ZRANB3: variants seen among roughly 807,000 people sequenced by gnomAD.
ZRANB3 encodes the protein zinc finger RANBP2-type containing 3.
A neutral mutation model predicts 133.8 loss-of-function variants in ZRANB3; 125 were observed. The ratio of observed to expected loss-of-function variants is 0.93; its 90% CI spans 0.81 to 1.08. ZRANB3 has a LOEUF of 1.08. Among genes scored for constraint, ZRANB3 ranks in the 50% least tolerant of loss-of-function variants. The pLI, the probability that ZRANB3 is intolerant of heterozygous loss-of-function variation, is 0.00. For missense variants in ZRANB3, 1,229 were observed against 1,275.5 expected, an observed-to-expected ratio of 0.96 and a Z score of 0.56; for synonymous variants, 387 against 432.7, an observed-to-expected ratio of 0.89 and a Z score of 1.31.
At chr2:135,408,320 A>C (rs1185395295) in intron 2 of ZRANB3, among the ~76,000 whole-genome samples, 1 of 152,108 alleles carries the variant, frequency 6.6e-6, no homozygotes, top group East Asian at 1.9e-4. Flanking sequence ...AAAAGTCAGG[A>C]AACAACAGGT....
At chr2:135,339,585 A>G (rs991465746) in intron 6 of ZRANB3, among the ~76,000 whole-genome samples, 3 of 152,206 alleles carry the variant, frequency 2.0e-5, no homozygotes, top group Non-Finnish European at 4.4e-5. Context: ...CTGTCTCAAA[A>G]AAAACCCAAA....
chr2:135,318,668 C>T (rs1240900266), intron 6 of ZRANB3, among the ~76,000 whole-genome samples: 1 of 151,966 alleles, frequency 6.6e-6, no homozygotes, highest in African/African-American at 2.4e-5. Context: ...TTAAAGAGAC[C>T]GAAAAGTTTA....
intron 8 of ZRANB3, among the ~76,000 whole-genome samples, chr2:135,288,549 T>C (rs532164328): frequency 6.6e-6 from 1 of 152,084 alleles, no homozygotes; most frequent in African/African-American, 2.4e-5. Context: ...CTTTCTTTTG[T>C]TGGCAATTTT....
At chr2:135,405,249 A>C (rs1028778048) in intron 2 of ZRANB3, among the ~76,000 whole-genome samples, 4 of 152,188 alleles carry the variant, frequency 2.6e-5, no homozygotes, top group Non-Finnish European at 4.4e-5. Flanking sequence ...GTAAAGGGAT[A>C]AGTTCAACAA....
intron 19 of ZRANB3, among the ~76,000 whole-genome samples, chr2:135,204,903 G>C (rs1042075895): frequency 6.6e-6 from 1 of 151,388 alleles, no homozygotes; most frequent in Non-Finnish European, 1.5e-5. Context: ...TGCATTCCTG[G>C]ACAGGTTGCT....
intron 2 of ZRANB3, among the ~76,000 whole-genome samples, chr2:135,449,292 C>T (rs2105002932): frequency 6.6e-6 from 1 of 152,296 alleles, no homozygotes; most frequent in South Asian, 2.1e-4. Flanking sequence ...AACCCCTGAA[C>T]CATTACAGAT....
chr2:135,219,585 A>G (rs955321134), intron 15 of ZRANB3, among the ~76,000 whole-genome samples: 4 of 152,262 alleles, frequency 2.6e-5, no homozygotes, highest in Non-Finnish European at 4.4e-5. Flanking sequence ...AAATTTGCAA[A>G]TAAACTTCTT....
At chr2:135,225,909 T>G (rs1694744401) in intron 14 of ZRANB3, among the ~76,000 whole-genome samples, 1 of 152,192 alleles carries the variant, frequency 6.6e-6, no homozygotes, top group African/African-American at 2.4e-5. Context: ...TTACATTGGT[T>G]ACTGAGATGT....
At chr2:135,355,258 G>A in intron 3 of ZRANB3, 1 of 985,152 alleles carries the variant, frequency 1.0e-6, no homozygotes, top group Non-Finnish European at 1.2e-6. Context: ...ATGTTTCCGT[G>A]TCTTCAAAGC....
intron 10 of ZRANB3, 136 bp downstream of exon 10, chr2:135,271,632 T>C: frequency 1.9e-6 from 2 of 1,057,854 alleles, no homozygotes; most frequent in Non-Finnish European, 2.7e-6. Context: ...TGGAACTCTC[T>C]GAAGAAGAAT....
intron 2 of ZRANB3, among the ~76,000 whole-genome samples, chr2:135,461,935 T>A (rs1029885686): frequency 5.9e-5 from 9 of 152,178 alleles, no homozygotes; most frequent in African/African-American, 2.2e-4. Context: ...TAAGATTCAG[T>A]AAACACCCCT....
At chr2:135,480,184 T>G (rs2104791422) in intron 2 of ZRANB3, among the ~76,000 whole-genome samples, 1 of 151,894 alleles carries the variant, frequency 6.6e-6, no homozygotes, top group East Asian at 1.9e-4. Context: ...CCCTGTGACC[T>G]GCCCGCCTCA....
At chr2:135,219,862 C>T (rs1694462804) in intron 15 of ZRANB3, among the ~76,000 whole-genome samples, 1 of 151,944 alleles carries the variant, frequency 6.6e-6, no homozygotes. Context: ...GCACAACATC[C>T]TGAAATCTTT....
At chr2:135,276,145 C>CA (rs1464816928) in intron 8 of ZRANB3, among the ~76,000 whole-genome samples, 3 of 141,794 alleles carry the variant, frequency 2.1e-5, no homozygotes, top group East Asian at 4.0e-4. Context: ...AAACAGAAAG[C>CA]AAAAAAATCA....
chr2:135,461,658 A>G (rs1690770238), intron 2 of ZRANB3, among the ~76,000 whole-genome samples: 1 of 152,224 alleles, frequency 6.6e-6, no homozygotes, highest in South Asian at 2.1e-4. Context: ...AGTACTATGA[A>G]TCTAAAATCA....
intron 2 of ZRANB3, among the ~76,000 whole-genome samples, chr2:135,480,437 G>T (rs2104791838): frequency 6.6e-6 from 1 of 152,074 alleles, no homozygotes; most frequent in African/African-American, 2.4e-5. Flanking sequence ...AACAAAAACA[G>T]CACACCTAAA....
intron 2 of ZRANB3, among the ~76,000 whole-genome samples, chr2:135,416,814 A>G (rs202019793): frequency 1.3e-5 from 2 of 152,332 alleles, no homozygotes; most frequent in East Asian, 3.9e-4. Flanking sequence ...ACATATCTAC[A>G]ACTATCTGAT....
intron 6 of ZRANB3, 42 bp from the exon 7 acceptor site, chr2:135,315,572 G>A: frequency 7.5e-7 from 1 of 1,326,004 alleles, no homozygotes; most frequent in Non-Finnish European, 9.8e-7. Flanking sequence ...ATTGAATGCT[G>A]GAGTTAAGAA....
intron 10 of ZRANB3, among the ~76,000 whole-genome samples, chr2:135,269,534 T>C (rs932229836): frequency 6.6e-6 from 1 of 152,190 alleles, no homozygotes; most frequent in Non-Finnish European, 1.5e-5. Flanking sequence ...ATCCTCTTCA[T>C]CTAACTCACA....
Sources: gnomAD v4.1 joint callset for allele counts (sites outside exome capture counted in the v4.1 genomes callset) on GRCh38, gnomAD v4.1.1 for gene constraint, MANE v1.5 for transcripts, NCBI Gene and HGNC (gene_info 2026-07-23, HGNC 2026-07-21) for gene names.